The following OTUD4 variants were observed in gnomAD, a reference collection of about 807,000 sequenced individuals.
The protein encoded by OTUD4 is OTU deubiquitinase 4.
Under a neutral mutation model 130.4 loss-of-function variants are expected in OTUD4, and 24 were observed. The observed-to-expected ratio is 0.18, with a 90% confidence interval of 0.13 to 0.26. The LOEUF (loss-of-function observed/expected upper bound fraction) is 0.26, where lower values mean the gene tolerates loss of function less well. OTUD4 is among the 10% of genes least tolerant of loss of function. The pLI, the probability that OTUD4 is intolerant of heterozygous loss-of-function variation, is 1.00. For missense variants in OTUD4, 1,031 were observed against 1,329.4 expected (o/e 0.78, Z 3.49); for synonymous variants, 420 against 472.5 (o/e 0.89, Z 1.44).
chr4:145,146,260 T>C lies in OTUD4; in HGVS notation c.1422+7A>G, dbSNP rs1750818155. The C allele has an allele frequency of 1.3e-6, 2 of 1,499,856 alleles. No individual in the cohort carries two copies. Among genetic ancestry groups the C allele is most frequent in the African/African-American group, 1.4e-5 (1 of 69,690 alleles). 92.9% of individuals were successfully genotyped at this position (1,499,856 alleles called of 1,614,324 possible). A position where few individuals can be genotyped will look rare whatever the true frequency, so the allele number is the denominator to read the frequency against. The stretch of plus-strand genomic sequence containing the variant: ...TAATGACTTTTAAACTGTCTTTTCA[T>C]ACATACGGAAAGGGCTGGGAAAGCC... On this transcript the variant is annotated splice_region_variant and intron_variant, in intron 14 of 20. Transcript: ENST00000447906.
At position 145,136,519 on chromosome 4, in the gene OTUD4, T is replaced by A. The variant is rs890412959; in HGVS notation, c.*911A>T. ...AGAAACCTGTCAAGCTAAAAATTTT[T>A]AACATTTCTTCTCACAAAATATTTA... On this transcript the variant is annotated 3_prime_UTR_variant, in exon 21 of 21. Coordinates refer to ENST00000447906, the MANE Select transcript of OTUD4 (RefSeq NM_001366057.1). 6 of 119,772 alleles carry A rather than the reference T, an allele frequency of 5.0e-5. No individual in the cohort carries two copies. In the Admixed American group the frequency reaches 7.0e-4, roughly 14 times the overall value. 7.4% of individuals were successfully genotyped at this position (119,772 alleles called of 1,614,324 possible).
At chr4:145,179,657 G>A in intron 1 of OTUD4, 158 bp downstream of exon 1, 1 of 1,402,606 alleles carries the variant, frequency 7.1e-7, no homozygotes, top group Non-Finnish European at 9.2e-7. Context: ...GCAAAGCAGC[G>A]TCCCACTCCG....
In OTUD4 at chr4:145,143,949, C is replaced by T; in HGVS notation, c.1599G>A (p.Leu533=). ...QLDKRPEPST[L]ENITDDKYAT... is the part of the protein sequence containing the mutation. ...AAGTAGTGTTTAAAACTTTTACCTC[C>T]AATGTGCTTGGTTCGGGTCTTTTAT... The change falls in exon 16 of 21, where the codon TTG becomes TTA. Residue 533 remains leucine (L), a synonymous_variant. Coordinates refer to ENST00000447906, the MANE Select transcript of OTUD4 (RefSeq NM_001366057.1). 1.9e-6 allele frequency: 3 copies of T among 1,610,182 alleles called. No individual in the cohort carries two copies. The highest frequency in any genetic ancestry group is 2.5e-6 in the Non-Finnish European group (3 of 1,176,626).
chr4:145,146,206 T>G (rs1482999872), intron 14 of OTUD4, 61 bp downstream of exon 14: 4 of 1,162,998 alleles, frequency 3.4e-6, no homozygotes, highest in Admixed American at 2.8e-5. Flanking sequence ...TGGCTTAATC[T>G]AAAAACTATA....
chr4:145,174,793 TAC>T (rs1752341881), intron 1 of OTUD4, 49 bp from the exon 2 acceptor site: 3 of 990,698 alleles, frequency 3.0e-6, no homozygotes, highest in Non-Finnish European at 4.9e-6. Context: ...AGTTAAAAGT[TAC>T]AACCTAATGT....
At chr4:145,144,823 C>T (rs1248498826) in intron 14 of OTUD4, among the ~76,000 whole-genome samples, 1 of 152,060 alleles carries the variant, frequency 6.6e-6, no homozygotes, top group Non-Finnish European at 1.5e-5. Context: ...TTGGGGAGAA[C>T]CTAAGTGCAA....
chr4:145,147,452 C>T (rs1750878653), intron 13 of OTUD4, among the ~76,000 whole-genome samples: 1 of 152,128 alleles, frequency 6.6e-6, no homozygotes, highest in African/African-American at 2.4e-5. Context: ...GAGGACTCAG[C>T]AACTGTCAGG....
intron 3 of OTUD4, chr4:145,171,419 T>A (rs1046061229): frequency 5.5e-6 from 2 of 362,720 alleles, no homozygotes; most frequent in Admixed American, 4.5e-5. Context: ...TATTTCAGAT[T>A]TTTATACTAC....
At chr4:145,175,646 G>A (rs781020422) in intron 1 of OTUD4, among the ~76,000 whole-genome samples, 4 of 151,892 alleles carry the variant, frequency 2.6e-5, no homozygotes, top group African/African-American at 4.8e-5. Context: ...CCAGGTTCAA[G>A]CGATCTTCCT....
intron 1 of OTUD4, chr4:145,178,692 A>G (rs971003587): frequency 2.0e-5 from 3 of 152,248 alleles, no homozygotes; most frequent in African/African-American, 7.2e-5. Flanking sequence ...TTTTAAAGAA[A>G]GATTTTACGC....
At chr4:145,142,357 G>T in intron 17 of OTUD4, 23 bp from the exon 18 acceptor site, 1 of 1,607,950 alleles carries the variant, frequency 6.2e-7, no homozygotes, top group Non-Finnish European at 8.5e-7. Flanking sequence ...GGTGAGTGGG[G>T]GAAGACAGAA....
chr4:145,166,319 T>A (rs11932645), intron 3 of OTUD4, among the ~76,000 whole-genome samples: 4,771 of 152,234 alleles, frequency 0.031, 222 homozygotes, highest in African/African-American at 0.11. Context: ...CTACACTCCT[T>A]AGAAAAGTCA....
At chr4:145,156,246 G>A (rs1219738018) in intron 7 of OTUD4, among the ~76,000 whole-genome samples, 1 of 152,166 alleles carries the variant, frequency 6.6e-6, no homozygotes, top group African/African-American at 2.4e-5. Context: ...AACATAAACT[G>A]TGAAATTTGG....
chr4:145,154,710 A>G (rs542207292), intron 10 of OTUD4, among the ~76,000 whole-genome samples: 1 of 152,232 alleles, frequency 6.6e-6, no homozygotes, highest in South Asian at 2.1e-4. Context: ...GAGGGAGATG[A>G]GGGAGGCTGT....
intron 1 of OTUD4, among the ~76,000 whole-genome samples, chr4:145,177,872 T>C (rs1014014046): frequency 6.6e-6 from 1 of 152,220 alleles, no homozygotes; most frequent in Non-Finnish European, 1.5e-5. Context: ...GAGAAATTGT[T>C]GGCAAAAAAT....
chr4:145,141,669 G>T, intron 18 of OTUD4, 30 bp from the exon 19 acceptor site: 1 of 1,500,470 alleles, frequency 6.7e-7, no homozygotes, highest in South Asian at 1.4e-5. Flanking sequence ...GAATCAAAAT[G>T]ACAAAAGATG....
Position 145,143,966 on chromosome 4 carries a change from G to T in OTUD4, c.1582C>A (p.Pro528Thr), listed in dbSNP as rs779143939. 4 of 1,613,026 alleles carry T rather than the reference G, an allele frequency of 2.5e-6. No homozygotes were observed. The highest frequency in any genetic ancestry group is 3.4e-6 in the Non-Finnish European group (4 of 1,179,176). ...TTTACCTCCAATGTGCTTGGTTCGG[G>T]TCTTTTATCCAACTGACTATGTCCA... Reference protein sequence around the residue: ...IHGHSQLDKRPEPSTLENITD... With the variant: ...IHGHSQLDKRTEPSTLENITD... Residue 528 changes from proline to threonine, a missense_variant, in exon 16 of 21, where the codon CCC (proline) becomes ACC (threonine). Coordinates refer to ENST00000447906, the MANE Select transcript of OTUD4 (RefSeq NM_001366057.1).
At chr4:145,159,424 CA>C (rs1325489081) in intron 7 of OTUD4, 78 bp downstream of exon 7, 2 of 1,583,512 alleles carry the variant, frequency 1.3e-6, no homozygotes, top group Non-Finnish European at 1.7e-6. Flanking sequence ...TATAGAAAGA[CA>C]TTTACTGAAA....
Position 145,142,198 on chromosome 4 carries a change from G to A in OTUD4, c.1820C>T (p.Thr607Ile), listed in dbSNP as rs760857385. The stretch of plus-strand genomic sequence containing the variant: ...GATTTTCTAAACCCTTCTCTAACCT[G>A]TTGGTCCAAAAGTTGTAGGTTCACT... Reference protein sequence around the residue: ...WPSEPTTFGPTGVPAPIPVLS... With the variant: ...WPSEPTTFGPIGVPAPIPVLS... Residue 607 changes from threonine (T) to isoleucine (I), a missense_variant and splice_region_variant, in exon 18 of 21, where the codon ACA becomes ATA. Coordinates refer to ENST00000447906, the MANE Select transcript of OTUD4 (RefSeq NM_001366057.1). 1 of 1,612,920 alleles carries A rather than the reference G, an allele frequency of 6.2e-7. No individual in the cohort carries two copies.
Sources: gnomAD v4.1 joint callset for allele counts (sites outside exome capture counted in the v4.1 genomes callset) on GRCh38, gnomAD v4.1.1 for gene constraint, MANE v1.5 for transcripts, NCBI Gene and HGNC (gene_info 2026-07-23, HGNC 2026-07-21) for gene names.